The following HEATR5B variants were observed in gnomAD, a reference collection of about 807,000 sequenced individuals.
HEATR5B encodes the protein HEAT repeat-containing protein 5B.
Under a neutral mutation model 224.1 loss-of-function variants are expected in HEATR5B, and 156 were observed. The observed-to-expected ratio is 0.70, with a 90% confidence interval of 0.61 to 0.80. The LOEUF is 0.80. HEATR5B is among the 30% of genes least tolerant of loss of function. The pLI is 0.00. For synonymous variants in HEATR5B, 1,027 were observed against 893.0 expected (o/e 1.15, Z -2.68); for missense variants, 2,323 against 2,535.5 (o/e 0.92, Z 1.80).
chr2:36,990,668 A>C lies in HEATR5B; in HGVS notation c.5677T>G (p.Leu1893Val). 6.3e-7 allele frequency: 1 copy of C among 1,594,286 alleles called. No individual in the cohort carries two copies. Among genetic ancestry groups the C allele is most frequent in the Non-Finnish European group, 8.5e-7 (1 of 1,170,470 alleles). ...NGCMNRFKNA[L>V]NSCDPWVQAK... ...CTTACCCATGGGTCGCATGAATTTA[A>C]TGCATTTTTAAATCTGTTCATGCAG... The change falls in exon 34 of 36, where the codon TTA becomes GTA. Residue 1893 changes from leucine to valine, a missense_variant. By Grantham distance (32) the Leu-to-Val change is conservative (BLOSUM62 1). Around this residue, in one of 12 missense-constraint regions of HEATR5B, gnomAD observed 844 missense variants for 812.9 expected, o/e 1.04. Coordinates refer to ENST00000233099, the MANE Select transcript of HEATR5B (RefSeq NM_019024.3).
chr2:36,999,678 CA>C (rs879773011), intron 33 of HEATR5B, among the ~76,000 whole-genome samples: 62 of 137,892 alleles, frequency 4.5e-4, no homozygotes, highest in Admixed American at 4.4e-4. Flanking sequence ...GACCCTGTCT[CA>C]AAAAAAAAAA....
At chr2:37,079,380 T>C (rs1221682831) in intron 2 of HEATR5B, 49 bp from the exon 3 acceptor site, 5 of 1,021,788 alleles carry the variant, frequency 4.9e-6, no homozygotes, top group Non-Finnish European at 5.8e-6. Context: ...ATTTTTTTTG[T>C]TACCTTTTAA....
intron 33 of HEATR5B, among the ~76,000 whole-genome samples, chr2:36,999,458 A>G (rs1558708514): frequency 6.6e-6 from 1 of 151,668 alleles, no homozygotes; most frequent in Non-Finnish European, 1.5e-5. Context: ...CAGGCAGATC[A>G]CTTGAGGTCA....
At chr2:37,000,105 ACT>A (rs1293515578) in intron 33 of HEATR5B, among the ~76,000 whole-genome samples, 1 of 149,966 alleles carries the variant, frequency 6.7e-6, no homozygotes, top group African/African-American at 2.5e-5. Context: ...GTTTCAAAAA[ACT>A]CTGTTTTTTG....
At chr2:37,065,935 G>T (rs748739148) in intron 8 of HEATR5B, 25 bp from the exon 9 acceptor site, 2 of 1,583,224 alleles carry the variant, frequency 1.3e-6, no homozygotes, top group South Asian at 1.1e-5. Flanking sequence ...TCATGTCTTT[G>T]ACATAGGAGA....
At chr2:37,005,398 T>G (rs1667345844) in intron 30 of HEATR5B, among the ~76,000 whole-genome samples, 1 of 152,174 alleles carries the variant, frequency 6.6e-6, no homozygotes, top group South Asian at 2.1e-4. Context: ...ACACTGTACC[T>G]ATCTCCTAAT....
rs141343490 is a variant in HEATR5B at position 37,059,359 on chromosome 2, T to A, written c.1850-372A>T. 6.7e-3 allele frequency among the ~76,000 whole-genome samples: 992 copies of A among 148,452 alleles called. 8 individuals are homozygous for A. Among genetic ancestry groups the A allele is most frequent in the African/African-American group, 0.023 (936 of 40,808 alleles). On this transcript the variant is annotated intron_variant, in intron 12 of 35. Coordinates refer to ENST00000233099, the MANE Select transcript of HEATR5B (RefSeq NM_019024.3). ...TGCCTTAAAATTTACATGAAATTTT[T>A]ACATATATTAAATATATTTTTGCAA...
intron 18 of HEATR5B, among the ~76,000 whole-genome samples, chr2:37,044,512 T>C (rs966237260): frequency 6.6e-6 from 1 of 152,186 alleles, no homozygotes; most frequent in African/African-American, 2.4e-5. Context: ...ATTCAACCAT[T>C]GATAATTGTG....
intron 35 of HEATR5B, among the ~76,000 whole-genome samples, chr2:36,987,796 T>C (rs1271282051): frequency 1.3e-5 from 2 of 152,110 alleles, no homozygotes; most frequent in Non-Finnish European, 2.9e-5. Context: ...GAAATGGGCA[T>C]GGTAGCTCAC....
In HEATR5B at chr2:37,002,585, A is replaced by T. The variant is rs1040000152; in HGVS notation, c.5051-13T>A. 16 of 1,601,850 alleles carry T rather than the reference A, an allele frequency of 1.0e-5. No individual in the cohort carries two copies. Among genetic ancestry groups the T allele is most frequent in the African/African-American group, 8.1e-5 (6 of 74,382 alleles). On this transcript the variant is annotated splice_polypyrimidine_tract_variant and intron_variant, in intron 31 of 35. Transcript: ENST00000233099. ...ATATCATCTTCATCTGAGGTAAAAG[A>T]TAATTTGGTGAAATTTCCAGCCAAA...
Position 37,068,830 on chromosome 2 carries a change from G to T in HEATR5B, c.1028C>A (p.Ala343Glu). Residue 343 changes from alanine to glutamate, a missense_variant, in exon 8 of 36, where the codon GCA (alanine) becomes GAA (glutamate). Physicochemically the swap from Ala to Glu is moderately radical, Grantham distance 107. Coordinates refer to ENST00000233099, the MANE Select transcript of HEATR5B (RefSeq NM_019024.3). ...HVLDLVSHPR[A>E]TQTHVEAVYS... ...CACAGCCTCCACATGTGTTTGTGTT[G>T]CCCGAGGATGGGAAACCAGATCAAG... 6.2e-7 allele frequency: 1 copy of T among 1,614,080 alleles called. No homozygotes were observed. Among genetic ancestry groups the T allele is most frequent in the Non-Finnish European group, 8.5e-7 (1 of 1,179,998 alleles).
At chr2:36,989,974 T>A (rs1230704556) in intron 34 of HEATR5B, among the ~76,000 whole-genome samples, 1 of 126,442 alleles carries the variant, frequency 7.9e-6, no homozygotes, top group African/African-American at 3.1e-5. Flanking sequence ...AATGGCACAA[T>A]CTCAACTCAC....
intron 3 of HEATR5B, 92 bp downstream of exon 3, chr2:37,079,028 A>C: frequency 1.4e-6 from 1 of 714,072 alleles, no homozygotes; most frequent in Non-Finnish European, 2.3e-6. Flanking sequence ...GGTTCCACCC[A>C]CCTGGGGGTT....
intron 26 of HEATR5B, among the ~76,000 whole-genome samples, chr2:37,016,941 G>T (rs371356955): frequency 6.6e-6 from 1 of 151,820 alleles, no homozygotes; most frequent in Non-Finnish European, 1.5e-5. Context: ...AAAGTGAAAA[G>T]AAATTAAATA....
At chr2:37,019,738 C>T (rs1668350731) in intron 26 of HEATR5B, 71 bp downstream of exon 26, 1 of 1,143,944 alleles carries the variant, frequency 8.7e-7, no homozygotes, top group Non-Finnish European at 1.3e-6. Flanking sequence ...TATTCCTTTA[C>T]ACAAGTTAAA....
At chr2:37,079,418 G>C (rs756890868) in intron 2 of HEATR5B, 87 bp from the exon 3 acceptor site, 65 of 636,768 alleles carry the variant, frequency 1.0e-4, no homozygotes, top group South Asian at 2.7e-4. Flanking sequence ...TAACACTTAA[G>C]GCACTCTAAT....
intron 18 of HEATR5B, among the ~76,000 whole-genome samples, chr2:37,046,659 T>TA (rs1670216396): frequency 7.1e-6 from 1 of 140,446 alleles, no homozygotes; most frequent in Admixed American, 7.2e-5. Flanking sequence ...AAAAAAAAAA[T>TA]ATTGAGAGAC....
chr2:37,011,576 C>A (rs1007712185), intron 27 of HEATR5B, among the ~76,000 whole-genome samples: 12 of 152,106 alleles, frequency 7.9e-5, no homozygotes, highest in African/African-American at 2.9e-4. Flanking sequence ...TTTTGATGTA[C>A]AGAGATTCTG....
In HEATR5B at chr2:36,985,458, G is replaced by GTTT. The variant is rs376871419; in HGVS notation, c.5911+3185_5911+3187dup. 3.7e-4 allele frequency among the ~76,000 whole-genome samples: 47 copies of GTTT among 126,702 alleles called. 1 individual carries two copies. The highest frequency in any genetic ancestry group is 1.3e-3 in the Admixed American group (15 of 11,880). 83.1% of individuals were successfully genotyped at this position (126,702 alleles called of 152,430 possible). ...GAAATCACGATGGTGCTTTTTTTTG[G>GTTT]TTTTTTTTTTTTTTTTTGAGACAGA... On this transcript the variant is annotated intron_variant, in intron 35 of 35. Coordinates refer to ENST00000233099, the MANE Select transcript of HEATR5B (RefSeq NM_019024.3).
Sources: gnomAD v4.1 joint callset for allele counts (sites outside exome capture counted in the v4.1 genomes callset) on GRCh38, gnomAD v4.1.1 for gene constraint, gnomAD v4.1.1 regional missense constraint, MANE v1.5 for transcripts, NCBI Gene and HGNC (gene_info 2026-07-23, HGNC 2026-07-21) for gene names.